Variants in NCKAP5 observed in about 807,000 individuals in gnomAD.
The protein encoded by NCKAP5 is nck-associated protein 5.
Under a neutral mutation model 167.0 loss-of-function variants are expected in NCKAP5, and 92 were observed. The ratio of observed to expected loss-of-function variants is 0.55; its 90% CI spans 0.47 to 0.66. The LOEUF (loss-of-function observed/expected upper bound fraction) is 0.66. Ranked by LOEUF, NCKAP5 falls within the 30% of genes least tolerant of loss-of-function variation. The pLI, the probability that NCKAP5 is intolerant of heterozygous loss-of-function variation, is 0.00. For synonymous variants in NCKAP5, 891 were observed against 877.4 expected, an observed-to-expected ratio of 1.02 and a Z score of -0.27; for missense variants, 2,378 against 2,315.0, an observed-to-expected ratio of 1.03 and a Z score of -0.56.
intron 4 of NCKAP5, among the ~76,000 whole-genome samples, chr2:133,270,013 G>A (rs956993659): frequency 2.0e-5 from 3 of 152,116 alleles, no homozygotes; most frequent in African/African-American, 7.2e-5. Context: ...AAAGACTATG[G>A]GTGGAGCAAA....
intron 10 of NCKAP5, among the ~76,000 whole-genome samples, chr2:132,867,053 G>A (rs1690411806): frequency 6.6e-6 from 1 of 152,044 alleles, no homozygotes; most frequent in East Asian, 1.9e-4. Flanking sequence ...GTCTTTCTGT[G>A]TCTCACTGCT....
intron 3 of NCKAP5, among the ~76,000 whole-genome samples, chr2:133,382,869 T>C (rs996441279): frequency 1.3e-5 from 2 of 152,164 alleles, no homozygotes; most frequent in Admixed American, 6.5e-5. Flanking sequence ...TTGTCCTCTT[T>C]AGTTCATCAT....
At chr2:133,018,247 G>A (rs560643870) in intron 6 of NCKAP5, among the ~76,000 whole-genome samples, 3 of 152,208 alleles carry the variant, frequency 2.0e-5, no homozygotes, top group East Asian at 1.9e-4. Flanking sequence ...CCTAGCAATC[G>A]GGTTGTCTTA....
chr2:133,154,334 T>A (rs1355704290), intron 5 of NCKAP5, among the ~76,000 whole-genome samples: 1 of 152,226 alleles, frequency 6.6e-6, no homozygotes, highest in Non-Finnish European at 1.5e-5. Context: ...TGTGAACAAC[T>A]CTCACAAATG....
intron 7 of NCKAP5, among the ~76,000 whole-genome samples, chr2:132,972,697 T>TA (rs935697253): frequency 5.9e-5 from 9 of 151,508 alleles, no homozygotes; most frequent in Middle Eastern, 3.4e-3. Flanking sequence ...CCGTCTCTAC[T>TA]AAAAAAAATA....
In NCKAP5 at chr2:133,213,443, C is replaced by A. The variant is rs539772270; in HGVS notation, c.207+273G>T. ...TCATTTGTGGACATTGTGCCCACTGCTGGAAGTCTGACCTTCAGAAAACAA... is the reference window on the plus strand; with the variant it reads ...TCATTTGTGGACATTGTGCCCACTGATGGAAGTCTGACCTTCAGAAAACAA... On this transcript the variant is annotated intron_variant, in intron 5 of 19. Coordinates refer to ENST00000409261, the MANE Select transcript of NCKAP5 (RefSeq NM_207363.3). Among the ~76,000 whole-genome samples, 8 of 152,244 alleles carry A rather than the reference C, an allele frequency of 5.3e-5. No individual in the cohort carries two copies. The East Asian group carries it at 1.3e-3, about 26-fold the overall frequency.
At chr2:132,699,130 G>A (rs1687625454) in intron 19 of NCKAP5, among the ~76,000 whole-genome samples, 1 of 152,152 alleles carries the variant, frequency 6.6e-6, no homozygotes, top group African/African-American at 2.4e-5. Flanking sequence ...TTCAGCAACA[G>A]CAGTGGGCCT....
chr2:133,642,764 T>C, the NCKAP5 span, among the ~76,000 whole-genome samples: 1 of 152,244 alleles, frequency 6.6e-6, no homozygotes, highest in African/African-American at 2.4e-5. Context: ...CAACTGCAGA[T>C]GAACTAGATT....
intron 3 of NCKAP5, among the ~76,000 whole-genome samples, chr2:133,445,406 C>A (rs973979141): frequency 1.3e-5 from 2 of 152,118 alleles, no homozygotes; most frequent in Non-Finnish European, 2.9e-5. Context: ...TGACTTAATT[C>A]TCATAAAAAT....
At chr2:133,486,604 G>A (rs1474040335) in intron 3 of NCKAP5, among the ~76,000 whole-genome samples, 1 of 152,172 alleles carries the variant, frequency 6.6e-6, no homozygotes, top group Non-Finnish European at 1.5e-5. Flanking sequence ...TTCAACACAT[G>A]TGAATCACAG....
chr2:133,323,269 C>A (rs1267992193), intron 3 of NCKAP5, among the ~76,000 whole-genome samples: 1 of 152,082 alleles, frequency 6.6e-6, no homozygotes, highest in Non-Finnish European at 1.5e-5. Flanking sequence ...TCAGGAAATG[C>A]ATGCAAAAAT....
intron 5 of NCKAP5, among the ~76,000 whole-genome samples, chr2:133,190,654 A>G (rs2085173884): frequency 6.6e-6 from 1 of 152,222 alleles, no homozygotes; most frequent in Non-Finnish European, 1.5e-5. Flanking sequence ...AACCTGACAA[A>G]AAGAAGAAAT....
At chr2:132,754,515 C>A (rs753125805) in intron 16 of NCKAP5, among the ~76,000 whole-genome samples, 6 of 152,198 alleles carry the variant, frequency 3.9e-5, no homozygotes, top group Non-Finnish European at 8.8e-5. Flanking sequence ...ACCAACTAAG[C>A]TTCCCAACTC....
intron 5 of NCKAP5, among the ~76,000 whole-genome samples, chr2:133,142,742 C>A (rs2083047203): frequency 6.6e-6 from 1 of 152,116 alleles, no homozygotes; most frequent in Admixed American, 6.6e-5. Flanking sequence ...TAAAAGATAC[C>A]AATTTGTCCA....
intron 19 of NCKAP5, among the ~76,000 whole-genome samples, chr2:132,699,689 A>G (rs1687697507): frequency 1.3e-5 from 2 of 152,178 alleles, no homozygotes; most frequent in South Asian, 2.1e-4. Context: ...ATAGTATTCC[A>G]TGGTGTATAT....
the NCKAP5 span, among the ~76,000 whole-genome samples, chr2:133,588,650 A>G: frequency 6.6e-6 from 1 of 152,186 alleles, no homozygotes; most frequent in Admixed American, 6.5e-5. Context: ...ACATTTTAGA[A>G]GGACATATTA....
intron 7 of NCKAP5, among the ~76,000 whole-genome samples, chr2:132,965,474 T>A (rs944881100): frequency 6.6e-6 from 1 of 152,216 alleles, no homozygotes; most frequent in African/African-American, 2.4e-5. Context: ...CTAACTTAGG[T>A]TGATGAAGCA....
At chr2:133,508,025 G>T (rs1575078016) in intron 3 of NCKAP5, among the ~76,000 whole-genome samples, 1 of 152,270 alleles carries the variant, frequency 6.6e-6, no homozygotes. Flanking sequence ...ATATGAAAAT[G>T]ATTTAGCTAT....
At chr2:133,212,554 G>C (rs1156966459) in intron 5 of NCKAP5, among the ~76,000 whole-genome samples, 1 of 152,074 alleles carries the variant, frequency 6.6e-6, no homozygotes, top group Non-Finnish European at 1.5e-5. Flanking sequence ...TTTTAGTAGA[G>C]ACAGGGTATC....
Sources: allele counts gnomAD v4.1 joint callset (sites outside exome capture counted in the v4.1 genomes callset), GRCh38; gene constraint gnomAD v4.1.1; transcripts MANE v1.5; gene names NCBI Gene and HGNC (gene_info 2026-07-23, HGNC 2026-07-21).